The following TRPC4AP variants were observed in gnomAD, a reference collection of about 807,000 sequenced individuals.
TRPC4AP encodes short transient receptor potential channel 4-associated protein.
Under a neutral mutation model 99.0 loss-of-function variants are expected in TRPC4AP, and 45 were observed. The ratio of observed to expected loss-of-function variants is 0.45; its 90% CI spans 0.36 to 0.58. The LOEUF (loss-of-function observed/expected upper bound fraction) is 0.58, where lower values mean the gene tolerates loss of function less well. TRPC4AP is among the 20% of genes least tolerant of loss of function. The probability of loss-of-function intolerance (pLI) is 0.00; values close to 1 mark genes in which losing one functional copy is unlikely to be tolerated. For synonymous variants in TRPC4AP, 408 were observed against 385.8 expected (o/e 1.06, Z -0.67); for missense variants, 879 against 985.3 (o/e 0.89, Z 1.44).
At chr20:35,007,075 C>T (rs910922157) in intron 14 of TRPC4AP, among the ~76,000 whole-genome samples, 1 of 152,210 alleles carries the variant, frequency 6.6e-6, no homozygotes, top group African/African-American at 2.4e-5. Context: ...AGCCAATTTA[C>T]TCCTTTATAA....
chr20:35,009,901 G>A (rs192297327), intron 12 of TRPC4AP, among the ~76,000 whole-genome samples: 80 of 152,208 alleles, frequency 5.3e-4, no homozygotes, highest in Non-Finnish European at 1.0e-3. Flanking sequence ...CAAGGCGGTG[G>A]GGCAGTGCGG....
chr20:35,038,262 T>C (rs576782006), intron 7 of TRPC4AP, among the ~76,000 whole-genome samples: 2 of 118,416 alleles, frequency 1.7e-5, no homozygotes, highest in African/African-American at 6.1e-5. Context: ...AGAAATAGAT[T>C]TTTGTTTGAG....
intron 8 of TRPC4AP, among the ~76,000 whole-genome samples, chr20:35,024,834 A>AC (rs1569096882): frequency 1.1e-5 from 1 of 88,096 alleles, no homozygotes; most frequent in Non-Finnish European, 2.5e-5. Context: ...TCAAAAAAAA[A>AC]AAAAAAAAAA....
chr20:35,085,514 G>A (rs2146038153), intron 1 of TRPC4AP, among the ~76,000 whole-genome samples: 1 of 151,732 alleles, frequency 6.6e-6, no homozygotes, highest in Admixed American at 6.6e-5. Context: ...TCGGGAGGCT[G>A]AGGTGGGAGG....
intron 3 of TRPC4AP, among the ~76,000 whole-genome samples, chr20:35,068,341 A>C (rs577339984): frequency 6.6e-6 from 1 of 152,272 alleles, no homozygotes; most frequent in South Asian, 2.1e-4. Context: ...AGGTAGGTAA[A>C]CTTCAGATTT....
At chr20:35,059,920 CAA>C (rs2083950130) in intron 3 of TRPC4AP, among the ~76,000 whole-genome samples, 1 of 146,332 alleles carries the variant, frequency 6.8e-6, no homozygotes, top group African/African-American at 2.6e-5. Flanking sequence ...ACGAAGAAGA[CAA>C]AGACGAAGAA....
At chr20:35,011,615 G>A (rs2082637817) in intron 11 of TRPC4AP, among the ~76,000 whole-genome samples, 4 of 151,772 alleles carry the variant, frequency 2.6e-5, no homozygotes, top group Admixed American at 2.0e-4. Context: ...TAAAATCCAG[G>A]CCTGTGACTG....
intron 7 of TRPC4AP, among the ~76,000 whole-genome samples, chr20:35,043,773 G>A (rs2083495304): frequency 1.3e-5 from 2 of 152,180 alleles, no homozygotes; most frequent in South Asian, 4.1e-4. Flanking sequence ...TTATACGAAT[G>A]TGGTCTCTCT....
intron 8 of TRPC4AP, among the ~76,000 whole-genome samples, chr20:35,026,097 G>C (rs1043802641): frequency 6.6e-6 from 1 of 151,990 alleles, no homozygotes; most frequent in African/African-American, 2.4e-5. Context: ...TAAGCATGAG[G>C]GTTTATTTCT....
intron 2 of TRPC4AP, among the ~76,000 whole-genome samples, chr20:35,077,125 T>G (rs1407117735): frequency 3.3e-5 from 5 of 152,162 alleles, no homozygotes; most frequent in African/African-American, 9.7e-5. Context: ...GTGCAGTTAT[T>G]AGGGTGGGAG....
At chr20:35,059,417 T>C (rs1405202610) in intron 3 of TRPC4AP, among the ~76,000 whole-genome samples, 5 of 152,162 alleles carry the variant, frequency 3.3e-5, no homozygotes, top group Non-Finnish European at 7.4e-5. Context: ...CCCAAGACTC[T>C]GGGCGGCTGA....
intron 16 of TRPC4AP, among the ~76,000 whole-genome samples, 174 bp from the exon 17 acceptor site, chr20:35,004,744 C>T (rs1035396762): frequency 4.6e-5 from 7 of 152,172 alleles, no homozygotes; most frequent in Non-Finnish European, 1.0e-4. Flanking sequence ...TGTCCTGCTA[C>T]CAGGCAAAGC....
At chr20:35,076,490 C>T (rs1019261037) in intron 2 of TRPC4AP, among the ~76,000 whole-genome samples, 2 of 152,216 alleles carry the variant, frequency 1.3e-5, no homozygotes, top group Non-Finnish European at 2.9e-5. Flanking sequence ...ACAGTCAGGA[C>T]CCTCAGCTGC....
chr20:35,049,717 G>C (rs2083650716), intron 6 of TRPC4AP, 149 bp downstream of exon 6: 2 of 805,422 alleles, frequency 2.5e-6, no homozygotes, highest in Non-Finnish European at 3.7e-6. Context: ...TAGTATAAGG[G>C]GTAATCAAGT....
intron 10 of TRPC4AP, among the ~76,000 whole-genome samples, chr20:35,014,295 C>A (rs1430454102): frequency 6.7e-6 from 1 of 149,540 alleles, no homozygotes; most frequent in Non-Finnish European, 1.5e-5. Flanking sequence ...GGGGAAGTGG[C>A]TAGAGGGCCT....
At chr20:35,066,377 G>T (rs1394775461) in intron 3 of TRPC4AP, among the ~76,000 whole-genome samples, 1 of 152,124 alleles carries the variant, frequency 6.6e-6, no homozygotes, top group Non-Finnish European at 1.5e-5. Flanking sequence ...AAAGTGCTGG[G>T]ATTACAGGCA....
chr20:35,038,232 T>C (rs997999013), intron 7 of TRPC4AP, among the ~76,000 whole-genome samples: 9 of 151,078 alleles, frequency 6.0e-5, no homozygotes, highest in African/African-American at 1.9e-4. Context: ...GTGACTTCCA[T>C]CTCCATAAAA....
chr20:35,057,825 T>G (rs954509838), intron 3 of TRPC4AP, among the ~76,000 whole-genome samples: 1 of 152,164 alleles, frequency 6.6e-6, no homozygotes, highest in African/African-American at 2.4e-5. Context: ...TATTTTAGAT[T>G]AGGTAATCTC....
chr20:35,085,220 T>C (rs935847847), intron 1 of TRPC4AP, among the ~76,000 whole-genome samples: 1 of 152,248 alleles, frequency 6.6e-6, no homozygotes, highest in African/African-American at 2.4e-5. Context: ...ACAAGCTCCA[T>C]GATACGCAGA....
Sources: gnomAD v4.1 joint callset for allele counts (sites outside exome capture counted in the v4.1 genomes callset) on GRCh38, gnomAD v4.1.1 for gene constraint, MANE v1.5 for transcripts, NCBI Gene and HGNC (gene_info 2026-07-23, HGNC 2026-07-21) for gene names.